MARCHF1: variants seen among roughly 807,000 people sequenced by gnomAD.
MARCHF1 encodes the protein E3 ubiquitin-protein ligase MARCHF1.
MARCHF1 carries 40 observed loss-of-function variants against 54.2 expected under a neutral mutation model. The observed-to-expected ratio is 0.74, with a 90% confidence interval of 0.57 to 0.96. The LOEUF (loss-of-function observed/expected upper bound fraction) is 0.96, where lower values mean the gene tolerates loss of function less well. Ranked by LOEUF, MARCHF1 falls within the 40% of genes least tolerant of loss-of-function variation. MARCHF1 has a pLI of 0.00. For synonymous variants in MARCHF1, 236 were observed against 236.3 expected (o/e 1.00, Z 0.01); for missense variants, 586 against 656.5 (o/e 0.89, Z 1.17).
At chr4:164,305,932 G>A (rs1460332520) in intron 1 of MARCHF1, among the ~76,000 whole-genome samples, 2 of 151,282 alleles carry the variant, frequency 1.3e-5, no homozygotes, top group Non-Finnish European at 2.9e-5. Context: ...TCACACAAAA[G>A]AATAGTACCG....
At chr4:164,196,397 T>C (rs1731259730) in intron 1 of MARCHF1, among the ~76,000 whole-genome samples, 1 of 151,748 alleles carries the variant, frequency 6.6e-6, no homozygotes, top group African/African-American at 2.4e-5. Flanking sequence ...AAATCATTGT[T>C]TTAATAAATA....
At chr4:164,248,016 G>A (rs1333103057) in intron 1 of MARCHF1, among the ~76,000 whole-genome samples, 2 of 151,398 alleles carry the variant, frequency 1.3e-5, no homozygotes, top group African/African-American at 4.9e-5. Flanking sequence ...TAGTAAACAT[G>A]GGAAGCCATT....
chr4:163,764,589 T>G (rs1186534026), intron 4 of MARCHF1, among the ~76,000 whole-genome samples: 1 of 152,090 alleles, frequency 6.6e-6, no homozygotes, highest in Non-Finnish European at 1.5e-5. Context: ...TGGGATTAGA[T>G]AATTTTAAAG....
intron 1 of MARCHF1, among the ~76,000 whole-genome samples, chr4:164,365,591 C>T (rs893589247): frequency 6.6e-6 from 1 of 151,888 alleles, no homozygotes; most frequent in Admixed American, 6.6e-5. Context: ...ATGTATAAGG[C>T]CTTTGTAAGC....
At chr4:164,265,925 T>A (rs1733599064) in intron 1 of MARCHF1, among the ~76,000 whole-genome samples, 1 of 152,224 alleles carries the variant, frequency 6.6e-6, no homozygotes, top group Non-Finnish European at 1.5e-5. Context: ...CCACATAGTA[T>A]CGAATCAAAT....
intron 5 of MARCHF1, among the ~76,000 whole-genome samples, chr4:163,634,540 G>A (rs1201157395): frequency 1.3e-5 from 2 of 151,558 alleles, no homozygotes; most frequent in East Asian, 3.9e-4. Context: ...TCAACAAGAA[G>A]AGCTAACTAT....
At chr4:163,643,473 C>T (rs1054262396) in intron 5 of MARCHF1, among the ~76,000 whole-genome samples, 2 of 152,130 alleles carry the variant, frequency 1.3e-5, no homozygotes, top group African/African-American at 4.8e-5. Flanking sequence ...GCCTTAGCTT[C>T]CCAAGCAGCT....
intron 5 of MARCHF1, among the ~76,000 whole-genome samples, chr4:163,688,529 TTAAAA>T (rs1256276131): frequency 6.6e-6 from 1 of 152,192 alleles, no homozygotes; most frequent in African/African-American, 2.4e-5. Flanking sequence ...AAATTATTTC[TTAAAA>T]TAAGTGAAAA....
intron 5 of MARCHF1, among the ~76,000 whole-genome samples, chr4:163,639,997 G>A (rs1239847119): frequency 6.6e-6 from 1 of 152,106 alleles, no homozygotes; most frequent in African/African-American, 2.4e-5. Context: ...ATCACTCCAA[G>A]AAAACCTTAA....
intron 3 of MARCHF1, among the ~76,000 whole-genome samples, chr4:163,908,884 T>C (rs1314928546): frequency 2.6e-5 from 4 of 151,328 alleles, no homozygotes; most frequent in Admixed American, 2.6e-4. Flanking sequence ...TGTGCAAGAT[T>C]AGATACATGA....
At chr4:163,629,436 C>T (rs145302348) in intron 5 of MARCHF1, among the ~76,000 whole-genome samples, 5,354 of 152,168 alleles carry the variant, frequency 0.035, 313 homozygotes, top group East Asian at 0.2. Flanking sequence ...AAATGTAAGA[C>T]CTAAAACCAT....
intron 3 of MARCHF1, among the ~76,000 whole-genome samples, chr4:163,981,453 T>C (rs1752761246): frequency 6.6e-6 from 1 of 152,212 alleles, no homozygotes; most frequent in Non-Finnish European, 1.5e-5. Flanking sequence ...TCACCAGTTC[T>C]ACCCCCATGT....
At chr4:164,130,250 A>G (rs1053887313) in intron 1 of MARCHF1, among the ~76,000 whole-genome samples, 1 of 152,182 alleles carries the variant, frequency 6.6e-6, no homozygotes, top group African/African-American at 2.4e-5. Flanking sequence ...GTGGTTTATT[A>G]TAACATAATG....
intron 3 of MARCHF1, among the ~76,000 whole-genome samples, chr4:163,948,762 G>C (rs1302228516): frequency 1.3e-5 from 2 of 152,196 alleles, no homozygotes; most frequent in Non-Finnish European, 2.9e-5. Flanking sequence ...GAATAAACAG[G>C]AAGGAAAGTC....
intron 4 of MARCHF1, among the ~76,000 whole-genome samples, chr4:163,843,247 T>C (rs1749392230): frequency 6.6e-6 from 1 of 152,186 alleles, no homozygotes; most frequent in African/African-American, 2.4e-5. Flanking sequence ...TGCCATATTT[T>C]CGTTATTCAA....
chr4:163,598,267 T>C (rs1740837332), intron 7 of MARCHF1, among the ~76,000 whole-genome samples: 1 of 152,252 alleles, frequency 6.6e-6, no homozygotes, highest in African/African-American at 2.4e-5. Flanking sequence ...CACTCATCAC[T>C]GTCTGTTGAG....
At chr4:163,909,983 T>TC (rs1012032200) in intron 3 of MARCHF1, among the ~76,000 whole-genome samples, 2 of 152,188 alleles carry the variant, frequency 1.3e-5, no homozygotes, top group African/African-American at 4.8e-5. Flanking sequence ...AACAATTTTT[T>TC]CTCATTAGAG....
chr4:163,716,989 T>C (rs1252776542), intron 4 of MARCHF1, among the ~76,000 whole-genome samples: 1 of 152,162 alleles, frequency 6.6e-6, no homozygotes, highest in Non-Finnish European at 1.5e-5. Flanking sequence ...CACATTTATT[T>C]TATTTACTTA....
rs140555929 is a variant in MARCHF1, at chr4:164,157,222, T to C, written c.-322-45560A>G. ...TAACATGTTCTCTTATATTAATATA[T>C]ATAATTCATACTTATAGTTTCAATA... On this transcript the variant is annotated intron_variant, in intron 1 of 9. Coordinates refer to ENST00000514618, the MANE Select transcript of MARCHF1 (RefSeq NM_001394959.1). Among the ~76,000 whole-genome samples, 550 of 151,912 alleles carry C rather than the reference T, an allele frequency of 3.6e-3. 2 individuals are homozygous for C. Among genetic ancestry groups the C allele is most frequent in the African/African-American group, 0.013 (522 of 41,528 alleles).
Sources: allele counts gnomAD v4.1 joint callset (sites outside exome capture counted in the v4.1 genomes callset), GRCh38; gene constraint gnomAD v4.1.1; transcripts MANE v1.5; gene names NCBI Gene and HGNC (gene_info 2026-07-23, HGNC 2026-07-21).